DEPDC1B: variants seen among roughly 807,000 people sequenced by gnomAD.
DEPDC1B encodes the protein DEP domain containing 1B, also known as DEP domain-containing protein 1B.
DEPDC1B carries 51 observed loss-of-function variants against 66.5 expected under a neutral mutation model. That is an observed-to-expected ratio of 0.77 (90% CI 0.61 to 0.97). The LOEUF (loss-of-function observed/expected upper bound fraction) is 0.97. Among genes scored for constraint, DEPDC1B ranks in the 50% least tolerant of loss-of-function variants. The pLI, the probability that DEPDC1B is intolerant of heterozygous loss-of-function variation, is 0.00. For synonymous variants in DEPDC1B, 226 were observed against 223.6 expected, an observed-to-expected ratio of 1.01 and a Z score of -0.10; for missense variants, 552 against 637.1, an observed-to-expected ratio of 0.87 and a Z score of 1.44.
Position 60,605,740 on chromosome 5 carries a change from A to G in DEPDC1B, c.1015T>C (p.Leu339=). The G allele has an allele frequency of 6.2e-7, 1 of 1,613,366 alleles. No homozygotes were observed. Among genetic ancestry groups the G allele is most frequent in the Non-Finnish European group, 8.5e-7 (1 of 1,179,556 alleles). Residue 339 remains leucine (L), a synonymous_variant, in exon 8 of 11, where the codon TTA becomes CTA. Transcript: ENST00000265036. ...CACAGGGGTGGCATCTCTTTGTTTA[A>G]GCAAATCCTTGCCATCATCCTCATC... ...LLMRMMARIC[L]NKEMPPLCDG...
intron 1 of DEPDC1B, chr5:60,687,651 G>A (rs573824789): frequency 2.4e-3 from 375 of 156,158 alleles, no homozygotes; most frequent in South Asian, 3.4e-3. Context: ...TCAGCCTCCC[G>A]AGTATCTGAG....
chr5:60,623,045 T>C (rs111602537), intron 7 of DEPDC1B, among the ~76,000 whole-genome samples: 7 of 152,302 alleles, frequency 4.6e-5, no homozygotes, highest in African/African-American at 1.7e-4. Flanking sequence ...TTCTAGGAAC[T>C]AAGATATCTT....
In DEPDC1B at chr5:60,652,338, ATGG is replaced by A. The variant is rs1449834652; in HGVS notation, c.315-4808_315-4806del. ...CCAGTCAGCCAAAACCGGTCTGGAG[ATGG>A]TGGTCAGTTTTTAGCAAGGGATGTA... On this transcript the variant is annotated intron_variant, in intron 2 of 10. Coordinates refer to ENST00000265036, the MANE Select transcript of DEPDC1B (RefSeq NM_018369.3). 6.0e-5 allele frequency among the ~76,000 whole-genome samples: 9 copies of A among 149,112 alleles called. 2 individuals are homozygous for A. The highest frequency in any genetic ancestry group is 2.3e-4 in the African/African-American group (9 of 39,638).
chr5:60,682,873 TAATATC>T (rs1754328170), intron 2 of DEPDC1B, among the ~76,000 whole-genome samples: 1 of 152,116 alleles, frequency 6.6e-6, no homozygotes, highest in African/African-American at 2.4e-5. Flanking sequence ...GAAGAGGAAT[TAATATC>T]AATTCTTATC....
Position 60,603,431 on chromosome 5 carries a change from G to T in DEPDC1B, c.1202C>A (p.Thr401Asn), listed in dbSNP as rs1035026050. 5 of 1,611,278 alleles carry T rather than the reference G, an allele frequency of 3.1e-6. No individual in the cohort carries two copies. Among genetic ancestry groups the T allele is most frequent in the Middle Eastern group, 1.7e-4 (1 of 6,036 alleles). ...ATGAGCCACACGCTCCTCTATAGAGGTCTGCAAGGCCAAAGGGACTTTCAG... is the reference window on the plus strand; with the variant it reads ...ATGAGCCACACGCTCCTCTATAGAGTTCTGCAAGGCCAAAGGGACTTTCAG... The part of the protein sequence containing the change: ...EILKVPLALQ[T>N]SIEERVAHLR... The change falls in exon 9 of 11, where the codon ACC (threonine) becomes AAC (asparagine). Residue 401 changes from threonine (T) to asparagine (N), a missense_variant. Thr to Asn is a moderately conservative substitution (Grantham distance 65). Coordinates refer to ENST00000265036, the MANE Select transcript of DEPDC1B (RefSeq NM_018369.3).
intron 1 of DEPDC1B, among the ~76,000 whole-genome samples, chr5:60,695,726 A>T (rs1294003612): frequency 6.6e-6 from 1 of 152,220 alleles, no homozygotes; most frequent in Non-Finnish European, 1.5e-5. Context: ...CATTACAGTC[A>T]ATTAATACCA....
At chr5:60,684,580 T>C (rs1343268615) in intron 2 of DEPDC1B, among the ~76,000 whole-genome samples, 1 of 152,128 alleles carries the variant, frequency 6.6e-6, no homozygotes, top group Non-Finnish European at 1.5e-5. Flanking sequence ...TCACCATGTA[T>C]AAAAGTCAAC....
Position 60,687,214 on chromosome 5 carries a change from A to C in DEPDC1B, c.62T>G (p.Val21Gly). 6.2e-7 allele frequency: 1 copy of C among 1,610,610 alleles called. No homozygotes were observed. Among genetic ancestry groups the C allele is most frequent in the Non-Finnish European group, 8.5e-7 (1 of 1,176,912 alleles). The change falls in exon 2 of 11, where the codon GTG (valine) becomes GGG (glycine). Residue 21 changes from valine to glycine, a missense_variant. Val to Gly is a moderately radical substitution (Grantham distance 109). Transcript: ENST00000265036. ...YRATRLWNET[V>G]ELFRAKMPLR... ...CGGCATCTTAGCACGAAAAAGCTCC[A>C]CGGTCTCATTCCACTAGGGGAAAGA...
At chr5:60,604,218 C>CTTTTTTTTTTTTTTTTTTTTTTTTTT (rs869142199) in intron 8 of DEPDC1B, among the ~76,000 whole-genome samples, 1 of 68,970 alleles carries the variant, frequency 1.4e-5, no homozygotes, top group Non-Finnish European at 2.8e-5. Flanking sequence ...ATTAACTATT[C>CTTTTTTTTTTTTTTTTTTTTTTTTTT]TTTTTTTTTT....
chr5:60,699,895 TA>T, intron 1 of DEPDC1B, 150 bp downstream of exon 1: 4 of 947,140 alleles, frequency 4.2e-6, no homozygotes, highest in Non-Finnish European at 6.3e-6. Context: ...GCTCGTCCAC[TA>T]AAAGGCAGCC....
intron 7 of DEPDC1B, among the ~76,000 whole-genome samples, chr5:60,637,023 A>G (rs1471018387): frequency 1.3e-5 from 2 of 152,254 alleles, no homozygotes; most frequent in African/African-American, 2.4e-5. Context: ...TGTTTTTGAA[A>G]AAGTTTCCAA....
intron 2 of DEPDC1B, among the ~76,000 whole-genome samples, chr5:60,676,696 C>T (rs1428067933): frequency 6.6e-6 from 1 of 152,112 alleles, no homozygotes; most frequent in African/African-American, 2.4e-5. Flanking sequence ...AGATCCTGCA[C>T]TGTTTAGCCG....
chr5:60,684,269 C>T (rs1371907160), intron 2 of DEPDC1B, among the ~76,000 whole-genome samples: 1 of 152,022 alleles, frequency 6.6e-6, no homozygotes, highest in African/African-American at 2.4e-5. Context: ...TGTATGTATC[C>T]ACAAAAGACC....
chr5:60,599,356 G>A (rs898979761), intron 9 of DEPDC1B, 96 bp from the exon 10 acceptor site: 42 of 896,176 alleles, frequency 4.7e-5, no homozygotes, highest in Admixed American at 7.6e-5. Context: ...TCCTTGTACC[G>A]TAGCAATGCC....
intron 1 of DEPDC1B, among the ~76,000 whole-genome samples, chr5:60,699,817 A>G (rs965154849): frequency 4.6e-5 from 7 of 152,176 alleles, no homozygotes; most frequent in Admixed American, 2.0e-4. Context: ...CCCAGTCAAC[A>G]TCTCATGGAC....
At chr5:60,651,787 T>C (rs1471736441) in intron 2 of DEPDC1B, among the ~76,000 whole-genome samples, 1 of 152,174 alleles carries the variant, frequency 6.6e-6, no homozygotes, top group Non-Finnish European at 1.5e-5. Context: ...CACAGTGGCA[T>C]AAATTTCAGT....
At chr5:60,656,354 G>T (rs1017922510) in intron 2 of DEPDC1B, among the ~76,000 whole-genome samples, 2 of 151,874 alleles carry the variant, frequency 1.3e-5, no homozygotes, top group Admixed American at 6.6e-5. Flanking sequence ...TAGAGACGGG[G>T]TTTCACTGTG....
In DEPDC1B at chr5:60,597,891, G is replaced by A. The variant is rs1470730074; in HGVS notation, c.1452C>T (p.Val484=). Residue 484 remains valine, a synonymous_variant, in exon 11 of 11, where the codon GTC becomes GTT. Coordinates refer to ENST00000265036, the MANE Select transcript of DEPDC1B (RefSeq NM_018369.3). ...CTGGTGTAGGAAATCGTTCTTGATA[G>A]ACTTCAGGATAGGATTTCTGAAACT... ...LKQFQKSYPE[V]YQERFPTPES... 3.1e-6 allele frequency: 5 copies of A among 1,610,572 alleles called. No homozygotes were observed. In the Admixed American group the frequency reaches 8.5e-5, roughly 27 times the overall value.
chr5:60,623,288 A>T (rs1298242526), intron 7 of DEPDC1B, among the ~76,000 whole-genome samples: 1 of 152,178 alleles, frequency 6.6e-6, no homozygotes, highest in Non-Finnish European at 1.5e-5. Flanking sequence ...CTACAGATAC[A>T]TGAATCTACT....
Sources: gnomAD v4.1 joint callset for allele counts (sites outside exome capture counted in the v4.1 genomes callset) on GRCh38, gnomAD v4.1.1 for gene constraint, MANE v1.5 for transcripts, NCBI Gene and HGNC (gene_info 2026-07-23, HGNC 2026-07-21) for gene names.